Variants in MMP16 observed in about 807,000 individuals in gnomAD.
MMP16 encodes matrix metallopeptidase 16.
Under a neutral mutation model 67.8 loss-of-function variants are expected in MMP16, and 12 were observed. That is an observed-to-expected ratio of 0.18 (90% CI 0.11 to 0.29). MMP16 has a LOEUF of 0.29. MMP16 is among the 10% of genes least tolerant of loss of function. The pLI, the probability that MMP16 is intolerant of heterozygous loss-of-function variation, is 1.00. For synonymous variants in MMP16, 249 were observed against 255.9 expected (o/e 0.97, Z 0.26); for missense variants, 475 against 765.7 (o/e 0.62, Z 4.48).
At chr8:88,273,783 G>T (rs17667533) in intron 1 of MMP16, among the ~76,000 whole-genome samples, 8 of 151,870 alleles carry the variant, frequency 5.3e-5, no homozygotes, top group African/African-American at 1.4e-4. Context: ...ATAATTTAAC[G>T]GCAAAGAATA....
At chr8:88,103,655 C>G (rs1326889489) in intron 6 of MMP16, among the ~76,000 whole-genome samples, 1 of 151,756 alleles carries the variant, frequency 6.6e-6, no homozygotes, top group Admixed American at 6.6e-5. Flanking sequence ...CCTTTTATGG[C>G]TAATAATTTA....
In MMP16 at chr8:88,039,161, G is replaced by T. The variant is rs936103167; in HGVS notation, c.*2300C>A. On this transcript the variant is annotated 3_prime_UTR_variant, in exon 10 of 10. Coordinates refer to ENST00000286614, the MANE Select transcript of MMP16 (RefSeq NM_005941.5). The surrounding 1 kb of genome is among the most constrained non-coding windows in gnomAD (Gnocchi z 4.5). The stretch of plus-strand genomic sequence containing the variant: ...CTCATTAAAAATCATCTGGAAATGT[G>T]TATTAGCAAATGAGTAAGAAATTTT... The T allele has an allele frequency of 1.3e-5, 2 of 152,286 alleles. No homozygotes were observed. Among genetic ancestry groups the T allele is most frequent in the African/African-American group, 2.4e-5 (1 of 41,364 alleles). The allele number at this position is 152,286 out of a possible 1,614,324, so 9.4% of individuals were successfully genotyped here. A position where few individuals can be genotyped will look rare whatever the true frequency, so the allele number is the denominator to read the frequency against.
rs11325157 is a variant in MMP16, at chr8:88,165,178, TAAA to T, written c.709+2488_709+2490del. Reference sequence around the variant, plus strand: ...GGCAAAATAGCGAGAACCCCATCTCTAAAAAAAAAAAAAAAAAAAAAGAAAGAA... The same window carrying T: ...GGCAAAATAGCGAGAACCCCATCTCTAAAAAAAAAAAAAAAAAAGAAAGAA... On this transcript the variant is annotated intron_variant, in intron 4 of 9. Transcript: ENST00000286614. Among the ~76,000 whole-genome samples, 14 of 95,248 alleles carry T rather than the reference TAAA, an allele frequency of 1.5e-4. 1 individual carries two copies. Among genetic ancestry groups the T allele is most frequent in the Admixed American group, 4.6e-4 (4 of 8,670 alleles). 62.5% of individuals were successfully genotyped at this position (95,248 alleles called of 152,430 possible). A position where few individuals can be genotyped will look rare whatever the true frequency, so the allele number is the denominator to read the frequency against.
intron 2 of MMP16, 47 bp from the exon 3 acceptor site, chr8:88,186,645 T>G (rs1809079756): frequency 1.3e-6 from 2 of 1,566,146 alleles, no homozygotes; most frequent in African/African-American, 2.8e-5. Flanking sequence ...TTCCAGTTAT[T>G]TACTAACAAC....
chr8:88,326,819 A>T, intron 1 of MMP16: 1 of 387,748 alleles, frequency 2.6e-6, no homozygotes, highest in Non-Finnish European at 4.8e-6. Context: ...CCTGGGTGAA[A>T]AGCATGGACC....
chr8:88,092,221 CTATGGCTA>C lies in MMP16; in HGVS notation c.1084-17486_1084-17479del, dbSNP rs28991868. 5.9e-3 allele frequency among the ~76,000 whole-genome samples: 903 copies of C among 151,964 alleles called. 6 individuals are homozygous for C. Among genetic ancestry groups the C allele is most frequent in the African/African-American group, 0.02 (827 of 41,538 alleles). ...TATCACAGTATCACAGGTATAGGCT[CTATGGCTA>C]TAACTTCCAGAATTTTGTTTTTTCT... is the stretch of plus-strand genomic sequence containing the variant. On this transcript the variant is annotated intron_variant, in intron 6 of 9. Transcript: ENST00000286614.
chr8:88,222,751 A>T (rs1809705597), intron 1 of MMP16, among the ~76,000 whole-genome samples: 1 of 152,174 alleles, frequency 6.6e-6, no homozygotes, highest in Admixed American at 6.5e-5. Context: ...CCTAGAAGAA[A>T]ACCTAGGCAA....
chr8:88,249,639 C>T (rs1586225935), intron 1 of MMP16, among the ~76,000 whole-genome samples: 1 of 152,084 alleles, frequency 6.6e-6, no homozygotes, highest in South Asian at 2.1e-4. Flanking sequence ...CTTCACCTGG[C>T]TAGACAAGTA....
chr8:88,225,722 T>C (rs1421209035), intron 1 of MMP16, among the ~76,000 whole-genome samples: 3 of 151,800 alleles, frequency 2.0e-5, no homozygotes, highest in Non-Finnish European at 4.4e-5. Context: ...TTAAAAGTTT[T>C]GATGCTGCCA....
intron 1 of MMP16, among the ~76,000 whole-genome samples, chr8:88,205,614 T>C (rs1024225514): frequency 6.6e-6 from 1 of 152,182 alleles, no homozygotes; most frequent in Non-Finnish European, 1.5e-5. Flanking sequence ...GCCATTTCAG[T>C]TTTACAGTTT....
rs1171156571 is a variant in MMP16 at position 88,327,422 on chromosome 8, C to T, written c.-216G>A. 3 of 529,138 alleles carry T rather than the reference C, an allele frequency of 5.7e-6. No individual in the cohort carries two copies. Among genetic ancestry groups the T allele is most frequent in the Non-Finnish European group, 1.0e-5 (3 of 293,450 alleles). The allele number at this position is 529,138 out of a possible 1,614,324, so 32.8% of individuals were successfully genotyped here. ...GACAGGGTCAGCAGTAGTTCCTGTT[C>T]ACCATCCTCCGGGGTCAGTCACCGG... is the stretch of plus-strand genomic sequence containing the variant. On this transcript the variant is annotated 5_prime_UTR_variant, in exon 1 of 10. Transcript: ENST00000286614.
chr8:88,256,643 T>C (rs1810304750), intron 1 of MMP16, among the ~76,000 whole-genome samples: 3 of 150,558 alleles, frequency 2.0e-5, no homozygotes, highest in Admixed American at 6.7e-5. Flanking sequence ...CTTCTCACTA[T>C]ATCCTTCCAT....
chr8:88,262,846 C>A (rs374661193), intron 1 of MMP16, among the ~76,000 whole-genome samples: 42 of 53,462 alleles, frequency 7.9e-4, no homozygotes, highest in East Asian at 5.6e-3. Flanking sequence ...ACTAAAAATA[C>A]AAAAAAAAAA....
chr8:88,308,979 CA>C (rs71277998), intron 1 of MMP16, among the ~76,000 whole-genome samples: 6 of 149,376 alleles, frequency 4.0e-5, no homozygotes, highest in East Asian at 3.9e-4. Flanking sequence ...TTTACACTTG[CA>C]AAAAAAAATA....
chr8:88,238,166 GATCGTCA>G (rs1330644829), intron 1 of MMP16, among the ~76,000 whole-genome samples: 1 of 152,154 alleles, frequency 6.6e-6, no homozygotes, highest in Non-Finnish European at 1.5e-5. Flanking sequence ...CAATGATCTA[GATCGTCA>G]ATGTCATGTA....
intron 6 of MMP16, among the ~76,000 whole-genome samples, chr8:88,104,483 A>T (rs12679574): frequency 0.39 from 58,555 of 151,350 alleles, 11,450 homozygotes; most frequent in Middle Eastern, 0.47. Flanking sequence ...CCTAGTGATG[A>T]TGTAGCCATC....
chr8:88,202,401 T>C (rs547523809), intron 1 of MMP16, among the ~76,000 whole-genome samples: 2 of 152,292 alleles, frequency 1.3e-5, no homozygotes, highest in South Asian at 4.1e-4. Flanking sequence ...TTTTCCAATC[T>C]GCATAAAGTG....
intron 7 of MMP16, among the ~76,000 whole-genome samples, chr8:88,070,373 C>T (rs1156634280): frequency 6.6e-6 from 1 of 152,098 alleles, no homozygotes; most frequent in Admixed American, 6.6e-5. Flanking sequence ...GAGGTAAGGC[C>T]CTTTTCAATA....
intron 1 of MMP16, among the ~76,000 whole-genome samples, chr8:88,241,226 C>T (rs1460074045): frequency 1.3e-5 from 2 of 152,054 alleles, no homozygotes; most frequent in Non-Finnish European, 2.9e-5. Context: ...CACCTCCATT[C>T]TGTGTAAATA....
Sources: allele counts gnomAD v4.1 joint callset (sites outside exome capture counted in the v4.1 genomes callset), GRCh38; gene constraint gnomAD v4.1.1; non-coding constraint Gnocchi (gnomAD v3.1); transcripts MANE v1.5; gene names NCBI Gene and HGNC (gene_info 2026-07-23, HGNC 2026-07-21).